Variants in PIEZO2 observed in about 807,000 individuals in gnomAD.
PIEZO2 encodes piezo-type mechanosensitive ion channel component 2.
In PIEZO2, 172 loss-of-function variants were observed where a neutral mutation model predicts 337.3. The observed-to-expected ratio is 0.51, with a 90% CI of 0.45 to 0.58. PIEZO2 has a LOEUF of 0.58. Ranked by LOEUF, PIEZO2 falls within the 20% of genes least tolerant of loss-of-function variation. The pLI is 0.00. For missense variants in PIEZO2, 3,028 were observed against 3,391.3 expected, an observed-to-expected ratio of 0.89 and a Z score of 2.66; for synonymous variants, 1,251 against 1,228.5, an observed-to-expected ratio of 1.02 and a Z score of -0.38.
intron 3 of PIEZO2, among the ~76,000 whole-genome samples, chr18:10,972,748 G>A (rs1427805556): frequency 6.6e-6 from 1 of 152,178 alleles, no homozygotes; most frequent in Non-Finnish European, 1.5e-5. Flanking sequence ...TTTGGAGACA[G>A]GATTTGGTTT....
rs2042131464 is a variant in PIEZO2, at chr18:10,871,234, G to T, written c.492+19C>A. The stretch of plus-strand genomic sequence containing the variant: ...GTCCTCAGAAATCAAAGAAGGAAGA[G>T]ACATGGAGTTGGATTTACCAATTCT... On this transcript the variant is annotated intron_variant, in intron 5 of 55. Coordinates refer to ENST00000674853, the MANE Select transcript of PIEZO2 (RefSeq NM_001378183.1). 1 of 1,532,242 alleles carries T rather than the reference G, an allele frequency of 6.5e-7. No homozygotes were observed. The highest frequency in any genetic ancestry group is 1.4e-5 in the African/African-American group (1 of 72,924). 94.9% of individuals were successfully genotyped at this position (1,532,242 alleles called of 1,614,324 possible). A position where few individuals can be genotyped will look rare whatever the true frequency, so the allele number is the denominator to read the frequency against.
intron 7 of PIEZO2, among the ~76,000 whole-genome samples, chr18:10,840,988 G>A (rs929866336): frequency 3.9e-5 from 6 of 152,176 alleles, no homozygotes; most frequent in African/African-American, 1.4e-4. Context: ...TAAAGGAAAG[G>A]TTCCTCAATG....
intron 3 of PIEZO2, among the ~76,000 whole-genome samples, chr18:10,944,282 C>A (rs2032887471): frequency 6.6e-6 from 1 of 151,736 alleles, no homozygotes; most frequent in African/African-American, 2.4e-5. Context: ...GGACAGAGTT[C>A]TACCCTAATC....
At chr18:10,860,031 G>A (rs1173637024) in intron 5 of PIEZO2, among the ~76,000 whole-genome samples, 1 of 152,192 alleles carries the variant, frequency 6.6e-6, no homozygotes, top group Non-Finnish European at 1.5e-5. Context: ...AGACAGGAGG[G>A]AGGCAGATTG....
At chr18:10,956,279 T>G (rs1321939732) in intron 3 of PIEZO2, among the ~76,000 whole-genome samples, 1 of 152,162 alleles carries the variant, frequency 6.6e-6, no homozygotes, top group Non-Finnish European at 1.5e-5. Context: ...AACAAAACAA[T>G]TCTATTTATA....
At chr18:10,800,269 C>G in intron 11 of PIEZO2, 68 bp downstream of exon 11, 4 of 1,477,636 alleles carry the variant, frequency 2.7e-6, no homozygotes, top group Non-Finnish European at 3.6e-6. Flanking sequence ...GCAACAACAA[C>G]AAAAAGAGAG....
rs1418912600 is a variant in PIEZO2, at chr18:11,070,512, T to C, written c.65-4290A>G. 1.3e-5 allele frequency among the ~76,000 whole-genome samples: 2 copies of C among 151,766 alleles called. No homozygotes were observed. Among genetic ancestry groups the C allele is most frequent in the Non-Finnish European group, 2.9e-5 (2 of 67,948 alleles). On this transcript the variant is annotated intron_variant, in intron 1 of 55. Coordinates refer to ENST00000674853, the MANE Select transcript of PIEZO2 (RefSeq NM_001378183.1). The surrounding 1 kb of genome is among the most constrained non-coding windows in gnomAD (Gnocchi z 4.3). ...GAGAGGGGGCAAGCAAACTGGCAGG[T>C]AGGAAAGAAAAAAGCAGCAGAAAAA... is the stretch of plus-strand genomic sequence containing the variant.
rs1039974223 is a variant in PIEZO2 at position 10,746,415 on chromosome 18, C to A, written c.4424+2056G>T. Among the ~76,000 whole-genome samples, 1 of 152,220 alleles carries A rather than the reference C, an allele frequency of 6.6e-6. No individual in the cohort carries two copies. Among genetic ancestry groups the A allele is most frequent in the African/African-American group, 2.4e-5 (1 of 41,462 alleles). ...TTCCCTCCGTAGTTTCACTGGGCTG[C>A]TTCCCCTGCCTTCTCCTCTGACTAA... On this transcript the variant is annotated intron_variant, in intron 30 of 55. Coordinates refer to ENST00000674853, the MANE Select transcript of PIEZO2 (RefSeq NM_001378183.1). This position sits in a 1 kb window ranked among gnomAD's most constrained non-coding sequence, Gnocchi z 4.2.
At chr18:10,887,434 G>A (rs1440199030) in intron 4 of PIEZO2, among the ~76,000 whole-genome samples, 2 of 151,912 alleles carry the variant, frequency 1.3e-5, no homozygotes, top group Admixed American at 6.6e-5. Context: ...ACCAAGCCAC[G>A]GAGAGATCCA....
At chr18:11,082,703 G>A (rs1332922524) in intron 1 of PIEZO2, among the ~76,000 whole-genome samples, 1 of 152,174 alleles carries the variant, frequency 6.6e-6, no homozygotes, top group Non-Finnish European at 1.5e-5. Flanking sequence ...AAGAACTAGA[G>A]TATATGTGTG....
intron 18 of PIEZO2, among the ~76,000 whole-genome samples, chr18:10,776,553 T>G (rs1414429715): frequency 6.6e-6 from 1 of 152,212 alleles, no homozygotes; most frequent in African/African-American, 2.4e-5. Context: ...AGAACTTGGC[T>G]ATTTTATAGA....
chr18:10,989,707 G>A (rs1364095517), intron 2 of PIEZO2, among the ~76,000 whole-genome samples: 2 of 152,074 alleles, frequency 1.3e-5, no homozygotes, highest in Non-Finnish European at 2.9e-5. Flanking sequence ...CAGCTTACAA[G>A]GGAAAATCTG....
Position 10,763,078 on chromosome 18 carries a change from T to A in PIEZO2, c.2967A>T (p.Val989=). 1 of 1,537,146 alleles carries A rather than the reference T, an allele frequency of 6.5e-7. No individual in the cohort carries two copies. The highest frequency in any genetic ancestry group is 8.7e-7 in the Non-Finnish European group (1 of 1,146,916). ...GAGCAAAAGCCCAAGAAATCAAAAA[T>A]ACATAGTTGAACAGAGACACCTGAA... The part of the protein sequence containing the change: ...SVKEVSLFNY[V]FLISWAFALP... The change falls in exon 22 of 56, where the codon GTA becomes GTT. Residue 989 remains valine, a synonymous_variant. Transcript: ENST00000674853.
chr18:11,123,534 C>CT (rs2040089391), intron 1 of PIEZO2, among the ~76,000 whole-genome samples: 1 of 152,078 alleles, frequency 6.6e-6, no homozygotes, highest in African/African-American at 2.4e-5. Context: ...CTGGGACGGG[C>CT]ACGGTGGCTC....
chr18:10,897,618 G>A (rs1213200874), intron 4 of PIEZO2, among the ~76,000 whole-genome samples: 2 of 152,170 alleles, frequency 1.3e-5, no homozygotes, highest in African/African-American at 4.8e-5. Flanking sequence ...GTGGAACTGT[G>A]AGTCCATTAA....
Position 10,924,119 on chromosome 18 carries a change from C to G in PIEZO2, c.287-12891G>C, listed in dbSNP as rs1195460654. On this transcript the variant is annotated intron_variant, in intron 3 of 55. Transcript: ENST00000674853. Reference sequence around the variant, plus strand: ...TGTCCAAAGCCACCACAGCCCAATTCCTGCTCTCCACTCTGTCCCAACACA... The same window carrying G: ...TGTCCAAAGCCACCACAGCCCAATTGCTGCTCTCCACTCTGTCCCAACACA... Among the ~76,000 whole-genome samples, 3 of 152,200 alleles carry G rather than the reference C, an allele frequency of 2.0e-5. No homozygotes were observed. The East Asian group carries it at 5.8e-4, about 29-fold the overall frequency.
At chr18:10,869,027 G>C (rs1403869417) in intron 5 of PIEZO2, among the ~76,000 whole-genome samples, 1 of 152,174 alleles carries the variant, frequency 6.6e-6, no homozygotes, top group African/African-American at 2.4e-5. Flanking sequence ...ATTCTAAGAG[G>C]AACATTGGAA....
chr18:10,906,891 G>A (rs190779781), intron 4 of PIEZO2, among the ~76,000 whole-genome samples: 10 of 151,960 alleles, frequency 6.6e-5, no homozygotes, highest in African/African-American at 9.7e-5. Context: ...GTCTTTTGTC[G>A]CCTTCCTGAG....
intron 7 of PIEZO2, among the ~76,000 whole-genome samples, chr18:10,818,955 G>T (rs998337608): frequency 6.6e-6 from 1 of 152,074 alleles, no homozygotes; most frequent in Non-Finnish European, 1.5e-5. Context: ...TGAAAAGCAC[G>T]CCCTAAAGTA....
Sources: gnomAD v4.1 joint callset for allele counts (sites outside exome capture counted in the v4.1 genomes callset) on GRCh38, gnomAD v4.1.1 for gene constraint, Gnocchi (gnomAD v3.1) non-coding constraint, MANE v1.5 for transcripts, NCBI Gene and HGNC (gene_info 2026-07-23, HGNC 2026-07-21) for gene names.